Variants in SYCE2 observed in about 807,000 individuals in gnomAD.
The protein encoded by SYCE2 is synaptonemal complex central element protein 2.
In SYCE2, 3 loss-of-function variants were observed where a neutral mutation model predicts 27.9. The ratio of observed to expected loss-of-function variants is 0.11; its 90% CI spans 0.05 to 0.28. SYCE2 has a LOEUF of 0.28. Among genes scored for constraint, SYCE2 ranks in the 10% least tolerant of loss-of-function variants. SYCE2 has a pLI of 1.00. For missense variants in SYCE2, 207 were observed against 263.5 expected (o/e 0.79, Z 1.48); for synonymous variants, 85 against 100.7 (o/e 0.84, Z 0.93).
At chr19:12,911,902 G>A (rs1971053190) in intron 2 of SYCE2, among the ~76,000 whole-genome samples, 1 of 151,554 alleles carries the variant, frequency 6.6e-6, no homozygotes, top group Admixed American at 6.6e-5. Flanking sequence ...ACAGGCGTGA[G>A]CCACCGTGCC....
At chr19:12,904,704 TCA>T (rs1491201270) in intron 2 of SYCE2, 38 bp from the exon 3 acceptor site, 1 of 1,610,456 alleles carries the variant, frequency 6.2e-7, no homozygotes, top group Admixed American at 1.7e-5. Flanking sequence ...ACCTGACTTC[TCA>T]GAGTACAGGA....
chr19:12,913,330 G>GT lies in SYCE2; in HGVS notation c.131+4891dup, dbSNP rs538416651. ...CCATCTGTTCGCTCCAGGTAAAGCT[G>GT]TGATTGGCAGGCGACTGAGCCAGAA... is the stretch of plus-strand genomic sequence containing the variant. On this transcript the variant is annotated intron_variant, in intron 2 of 5. Transcript: ENST00000293695. Among the ~76,000 whole-genome samples the GT allele has an allele frequency of 2.3e-3, 348 of 152,354 alleles. 1 individual carries two copies. Among genetic ancestry groups the GT allele is most frequent in the African/African-American group, 8.1e-3 (335 of 41,588 alleles).
At position 12,916,364 on chromosome 19, in the gene SYCE2, G is replaced by A. The variant is rs116544596; in HGVS notation, c.131+1858C>T. ...GATTACAGGTTGAGCCACTGCGCCC[G>A]GCCAACATGAGCCTCCTTCTTGCTC... On this transcript the variant is annotated intron_variant, in intron 2 of 5. Coordinates refer to ENST00000293695, the MANE Select transcript of SYCE2 (RefSeq NM_001105578.2). Among the ~76,000 whole-genome samples, 1,161 of 152,008 alleles carry A rather than the reference G, an allele frequency of 7.6e-3. 16 individuals are homozygous for A. The highest frequency in any genetic ancestry group is 0.026 in the African/African-American group (1,093 of 41,426).
chr19:12,903,126 C>T (rs1254474353), intron 3 of SYCE2, among the ~76,000 whole-genome samples: 1 of 147,380 alleles, frequency 6.8e-6, no homozygotes, highest in African/African-American at 2.5e-5. Flanking sequence ...AAGTCTTGCT[C>T]TGTCACCCAG....
At chr19:12,906,234 G>A (rs1327154994) in intron 2 of SYCE2, 1 of 152,218 alleles carries the variant, frequency 6.6e-6, no homozygotes, top group African/African-American at 2.4e-5. Context: ...TTGACCGCCT[G>A]GGGCTACAGT....
chr19:12,903,094 CT>C (rs1298868407), intron 3 of SYCE2, among the ~76,000 whole-genome samples: 198 of 129,276 alleles, frequency 1.5e-3, no homozygotes, highest in Admixed American at 3.3e-3. Flanking sequence ...TCTTTTTCTT[CT>C]TTTTTTTTTT....
At chr19:12,902,039 C>T (rs1346108905) in intron 3 of SYCE2, among the ~76,000 whole-genome samples, 1 of 152,072 alleles carries the variant, frequency 6.6e-6, no homozygotes, top group Non-Finnish European at 1.5e-5. Flanking sequence ...TTTTACTGTA[C>T]CTTTTCTATG....
At chr19:12,902,431 C>A (rs1970856228) in intron 3 of SYCE2, among the ~76,000 whole-genome samples, 1 of 151,988 alleles carries the variant, frequency 6.6e-6, no homozygotes, top group African/African-American at 2.4e-5. Context: ...AGTTCAAGAC[C>A]AGCCTGGGTA....
rs368396066 is a variant in SYCE2 at position 12,901,169 on chromosome 19, AAAATAAATAAAT to A, written c.307-533_307-522del. ...GGGCTACAGAGCAAGACTCCATCTCAAAATAAATAAATAAATAAATAAATAAATAAATAAATA... is the reference window on the plus strand; with the variant it reads ...GGGCTACAGAGCAAGACTCCATCTCAAAATAAATAAATAAATAAATAAATA... On this transcript the variant is annotated intron_variant, in intron 3 of 5. Coordinates refer to ENST00000293695, the MANE Select transcript of SYCE2 (RefSeq NM_001105578.2). 8.7e-3 allele frequency among the ~76,000 whole-genome samples: 1,226 copies of A among 140,822 alleles called. 6 individuals carry two copies. Among genetic ancestry groups the A allele is most frequent in the Non-Finnish European group, 0.012 (791 of 65,262 alleles). The allele number at this position is 140,822 out of a possible 152,430, so 92.4% of individuals were successfully genotyped here. A position where few individuals can be genotyped will look rare whatever the true frequency, so the allele number is the denominator to read the frequency against.
intron 2 of SYCE2, among the ~76,000 whole-genome samples, chr19:12,916,805 A>G (rs1033174118): frequency 6.6e-6 from 1 of 151,534 alleles, no homozygotes; most frequent in Non-Finnish European, 1.5e-5. Context: ...TCAGAGAGAT[A>G]TGTCTCCCTC....
At chr19:12,909,954 A>G (rs922996810) in intron 2 of SYCE2, among the ~76,000 whole-genome samples, 1 of 144,030 alleles carries the variant, frequency 6.9e-6, no homozygotes, top group Non-Finnish European at 1.5e-5. Context: ...GCAACCTCCA[A>G]CTCCCGGTTT....
At chr19:12,913,036 C>G (rs577139184) in intron 2 of SYCE2, among the ~76,000 whole-genome samples, 2 of 152,336 alleles carry the variant, frequency 1.3e-5, no homozygotes, top group South Asian at 2.1e-4. Context: ...CTGGCTTTCC[C>G]GGTTCCTAGG....
intron 2 of SYCE2, among the ~76,000 whole-genome samples, chr19:12,905,143 TCACA>T (rs1317042501): frequency 6.6e-6 from 1 of 151,972 alleles, no homozygotes; most frequent in African/African-American, 2.4e-5. Context: ...GTTATTCCAT[TCACA>T]CACACGCCCT....
At chr19:12,899,905 G>GTA (rs1238997698) in intron 5 of SYCE2, 99 bp downstream of exon 5, 167 of 1,606,532 alleles carry the variant, frequency 1.0e-4, no homozygotes, top group Non-Finnish European at 1.4e-4. Context: ...CCATCTGGGG[G>GTA]TAGTGCCTTA....
chr19:12,908,120 G>A (rs113448144), intron 2 of SYCE2, among the ~76,000 whole-genome samples: 6,400 of 151,828 alleles, frequency 0.042, 173 homozygotes, highest in African/African-American at 0.072. Flanking sequence ...CAGCCTGGGC[G>A]ACAGAGTGAG....
At chr19:12,919,131 G>A in intron 1 of SYCE2, 112 bp downstream of exon 1, 2 of 1,446,930 alleles carry the variant, frequency 1.4e-6, no homozygotes, top group Non-Finnish European at 1.9e-6. Context: ...AGCCCCAATG[G>A]CAAAGGACAA....
chr19:12,911,160 T>C (rs1971039952), intron 2 of SYCE2, among the ~76,000 whole-genome samples: 1 of 151,946 alleles, frequency 6.6e-6, no homozygotes, highest in Non-Finnish European at 1.5e-5. Flanking sequence ...TTTTTCTGTA[T>C]AGATGGAGGT....
intron 3 of SYCE2, among the ~76,000 whole-genome samples, chr19:12,902,651 A>C (rs772965875): frequency 2.4e-4 from 36 of 152,080 alleles, no homozygotes; most frequent in Admixed American, 7.9e-4. Flanking sequence ...ATATAAATAA[A>C]TAAATAAAAC....
At chr19:12,905,588 C>A (rs922534449) in intron 2 of SYCE2, among the ~76,000 whole-genome samples, 55 of 152,266 alleles carry the variant, frequency 3.6e-4, no homozygotes, top group Middle Eastern at 3.4e-3. Flanking sequence ...GCCTCAGCCT[C>A]CCAAACTGCT....
Sources: gnomAD v4.1 joint callset for allele counts (sites outside exome capture counted in the v4.1 genomes callset) on GRCh38, gnomAD v4.1.1 for gene constraint, MANE v1.5 for transcripts, NCBI Gene and HGNC (gene_info 2026-07-23, HGNC 2026-07-21) for gene names.